OLFM3: variants seen among roughly 807,000 people sequenced by gnomAD.
OLFM3 encodes the protein noelin-3.
OLFM3 carries 20 observed loss-of-function variants against 48.6 expected under a neutral mutation model. The ratio of observed to expected loss-of-function variants is 0.41; its 90% CI spans 0.29 to 0.60. The LOEUF (loss-of-function observed/expected upper bound fraction) is 0.60. OLFM3 is among the 20% of genes least tolerant of loss of function. The probability of loss-of-function intolerance (pLI) is 0.28; values close to 1 mark genes in which losing one functional copy is unlikely to be tolerated. For synonymous variants in OLFM3, 222 were observed against 198.1 expected (o/e 1.12, Z -1.01); for missense variants, 437 against 544.3 (o/e 0.80, Z 1.96).
intron 1 of OLFM3, among the ~76,000 whole-genome samples, chr1:101,981,945 A>AT: frequency 6.6e-6 from 1 of 152,190 alleles, no homozygotes; most frequent in African/African-American, 2.4e-5. Context: ...GAAATGGAAA[A>AT]ATAAGAAAGA....
chr1:101,892,758 T>C (rs1353897284), intron 1 of OLFM3, among the ~76,000 whole-genome samples: 1 of 152,088 alleles, frequency 6.6e-6, no homozygotes, highest in Non-Finnish European at 1.5e-5. Flanking sequence ...TTCTTTACTG[T>C]AAGCATTATC....
At chr1:101,971,472 T>A (rs1426043580) in intron 1 of OLFM3, among the ~76,000 whole-genome samples, 1 of 152,210 alleles carries the variant, frequency 6.6e-6, no homozygotes, top group Non-Finnish European at 1.5e-5. Flanking sequence ...AAACTCATGT[T>A]CTTGTTGCAC....
chr1:101,854,803 T>C (rs1433591688), intron 1 of OLFM3, among the ~76,000 whole-genome samples: 1 of 152,030 alleles, frequency 6.6e-6, no homozygotes, highest in Non-Finnish European at 1.5e-5. Flanking sequence ...CACTAGTAGA[T>C]GACTAGCCAT....
Position 101,803,997 on chromosome 1 carries a change from T to TC in OLFM3, c.*240_*241insG, listed in dbSNP as rs1653627562. On this transcript the variant is annotated 3_prime_UTR_variant, in exon 6 of 6. Coordinates refer to ENST00000370103, the MANE Select transcript of OLFM3 (RefSeq NM_058170.4). The stretch of plus-strand genomic sequence containing the variant: ...TGACTTTAGCCACTTAAACTCTTTT[T>TC]TTTTTTAGTGCTTTTCATGACAAGG... 6.4e-6 allele frequency: 2 copies of TC among 311,638 alleles called. No individual in the cohort carries two copies. Among genetic ancestry groups the TC allele is most frequent in the Non-Finnish European group, 1.2e-5 (2 of 171,302 alleles). The allele number at this position is 311,638 out of a possible 1,614,324, so 19.3% of individuals were successfully genotyped here.
chr1:101,902,141 G>T (rs1299764129), intron 1 of OLFM3, among the ~76,000 whole-genome samples: 1 of 151,984 alleles, frequency 6.6e-6, no homozygotes, highest in East Asian at 1.9e-4. Context: ...GAAAAAAAGA[G>T]AAGTAAATGA....
chr1:101,919,681 T>G (rs1659034814), intron 1 of OLFM3, among the ~76,000 whole-genome samples: 1 of 152,204 alleles, frequency 6.6e-6, no homozygotes, highest in African/African-American at 2.4e-5. Context: ...TTTCTTCTAC[T>G]CATCCTAAGT....
chr1:101,934,644 A>G (rs1471634810), intron 1 of OLFM3, among the ~76,000 whole-genome samples: 1 of 152,094 alleles, frequency 6.6e-6, no homozygotes, highest in Admixed American at 6.5e-5. Context: ...TACAGACTCT[A>G]CCTAAAAACA....
At chr1:101,818,672 T>C (rs1328664015) in intron 4 of OLFM3, among the ~76,000 whole-genome samples, 1 of 152,154 alleles carries the variant, frequency 6.6e-6, no homozygotes, top group Non-Finnish European at 1.5e-5. Context: ...AAGTATCAGA[T>C]GTTTTGGAAT....
intron 1 of OLFM3, among the ~76,000 whole-genome samples, chr1:101,961,936 G>T: frequency 6.6e-6 from 1 of 152,084 alleles, no homozygotes; most frequent in South Asian, 2.1e-4. Context: ...CTCTCTTCTA[G>T]CTATCTTTTC....
At chr1:101,991,881 C>T (rs982084338) in intron 1 of OLFM3, among the ~76,000 whole-genome samples, 2 of 151,676 alleles carry the variant, frequency 1.3e-5, no homozygotes, top group African/African-American at 4.8e-5. Flanking sequence ...AAGATGAAAA[C>T]TGCATGATAC....
chr1:101,870,227 T>C (rs1657023906), intron 1 of OLFM3, among the ~76,000 whole-genome samples: 1 of 151,986 alleles, frequency 6.6e-6, no homozygotes, highest in South Asian at 2.1e-4. Flanking sequence ...TCTTTGTAGC[T>C]GAAAAAAAAA....
intron 1 of OLFM3, among the ~76,000 whole-genome samples, chr1:101,855,988 C>T (rs186478826): frequency 2.6e-4 from 39 of 151,882 alleles, no homozygotes; most frequent in African/African-American, 8.2e-4. Flanking sequence ...TAACAGGTAC[C>T]AAAAATCTGG....
At chr1:101,916,535 T>A (rs1478970221) in intron 1 of OLFM3, among the ~76,000 whole-genome samples, 1 of 152,166 alleles carries the variant, frequency 6.6e-6, no homozygotes, top group Non-Finnish European at 1.5e-5. Flanking sequence ...TGACAATTTT[T>A]AAAAATATAT....
At chr1:101,927,009 C>T (rs901414653) in intron 1 of OLFM3, among the ~76,000 whole-genome samples, 5 of 152,122 alleles carry the variant, frequency 3.3e-5, no homozygotes, top group South Asian at 2.1e-4. Flanking sequence ...AATGATGCAG[C>T]GCTTCTAGAA....
intron 1 of OLFM3, among the ~76,000 whole-genome samples, chr1:101,902,511 T>C (rs1251670763): frequency 6.6e-6 from 1 of 151,756 alleles, no homozygotes; most frequent in Non-Finnish European, 1.5e-5. Context: ...AAGATGGAAA[T>C]GAAACTAAGA....
chr1:101,935,690 A>T (rs1442928621), intron 1 of OLFM3, among the ~76,000 whole-genome samples: 1 of 152,058 alleles, frequency 6.6e-6, no homozygotes, highest in East Asian at 1.9e-4. Flanking sequence ...AACTACAGGG[A>T]AGTATTTTTT....
At chr1:101,910,989 T>A (rs1356651233) in intron 1 of OLFM3, among the ~76,000 whole-genome samples, 2 of 152,178 alleles carry the variant, frequency 1.3e-5, no homozygotes, top group Non-Finnish European at 2.9e-5. Context: ...TTAGAGTTAT[T>A]TAGCATTGTA....
chr1:101,924,271 G>A (rs1311614470), intron 1 of OLFM3, among the ~76,000 whole-genome samples: 3 of 152,120 alleles, frequency 2.0e-5, no homozygotes, highest in Admixed American at 6.5e-5. Flanking sequence ...TTTTCAGTAC[G>A]TTTGCATGGA....
rs144514760 is a variant in OLFM3, at chr1:101,950,939, G to A, written c.69+45809C>T. Reference sequence around the variant, plus strand: ...CTTACTGCAAACATGGGCAAGTAATGTAAACTCTCGATGTCCCAGTTTCTC... The same window carrying A: ...CTTACTGCAAACATGGGCAAGTAATATAAACTCTCGATGTCCCAGTTTCTC... On this transcript the variant is annotated intron_variant, in intron 1 of 5. Transcript: ENST00000370103. Among the ~76,000 whole-genome samples, 173 of 152,244 alleles carry A rather than the reference G, an allele frequency of 1.1e-3. 1 individual carries two copies. Among genetic ancestry groups the A allele is most frequent in the South Asian group, 2.3e-3 (11 of 4,820 alleles).
Sources: gnomAD v4.1 joint callset for allele counts (sites outside exome capture counted in the v4.1 genomes callset) on GRCh38, gnomAD v4.1.1 for gene constraint, MANE v1.5 for transcripts, NCBI Gene and HGNC (gene_info 2026-07-23, HGNC 2026-07-21) for gene names.